CUX2: variants seen among roughly 807,000 people sequenced by gnomAD.
CUX2 encodes homeobox protein cut-like 2.
CUX2 carries 40 observed loss-of-function variants against 144.8 expected under a neutral mutation model. The ratio of observed to expected loss-of-function variants is 0.28; its 90% CI spans 0.21 to 0.36. CUX2 has a LOEUF of 0.36. CUX2 is among the 10% of genes least tolerant of loss of function. The pLI is 1.00. For missense variants in CUX2, 1,615 were observed against 1,994.0 expected (o/e 0.81, Z 3.62); for synonymous variants, 827 against 875.6 (o/e 0.94, Z 0.98).
chr12:111,046,384 C>T (rs1869996755), intron 1 of CUX2, among the ~76,000 whole-genome samples: 1 of 152,212 alleles, frequency 6.6e-6, no homozygotes, highest in African/African-American at 2.4e-5. Flanking sequence ...TTTTTAATTC[C>T]CACAGCAACT....
intron 3 of CUX2, among the ~76,000 whole-genome samples, chr12:111,235,773 G>A (rs116060018): frequency 0.018 from 2,680 of 152,210 alleles, 74 homozygotes; most frequent in African/African-American, 0.061. Context: ...CTGGGACAGC[G>A]ACAGAGGAGC....
chr12:111,275,485 A>G (rs1015001174), intron 4 of CUX2, among the ~76,000 whole-genome samples: 47 of 152,166 alleles, frequency 3.1e-4, no homozygotes, highest in African/African-American at 1.1e-3. Flanking sequence ...GGGCAGCCGC[A>G]TGTGTCGGCT....
chr12:111,287,713 G>A lies in CUX2; in HGVS notation c.302-3705G>A, dbSNP rs1356060314. 3.3e-5 allele frequency among the ~76,000 whole-genome samples: 5 copies of A among 152,204 alleles called. No individual in the cohort carries two copies. Among genetic ancestry groups the A allele is most frequent in the Non-Finnish European group, 7.4e-5 (5 of 68,020 alleles). ...CTGCCGGCAGATGAAAGCCACCGCC[G>A]CCTTCCCGCGCACCTGCTTACCTCG... is the stretch of plus-strand genomic sequence containing the variant. On this transcript the variant is annotated intron_variant, in intron 4 of 21. Transcript: ENST00000261726. The surrounding 1 kb of genome is among the most constrained non-coding windows in gnomAD (Gnocchi z 4.2).
At chr12:111,218,998 TC>T (rs1881702788) in intron 3 of CUX2, among the ~76,000 whole-genome samples, 1 of 152,030 alleles carries the variant, frequency 6.6e-6, no homozygotes, top group African/African-American at 2.4e-5. Context: ...AAGCGTTCCA[TC>T]TTGAGGGGGC....
At chr12:111,216,085 G>A (rs972737536) in intron 2 of CUX2, among the ~76,000 whole-genome samples, 8 of 152,292 alleles carry the variant, frequency 5.3e-5, no homozygotes, top group African/African-American at 1.2e-4. Context: ...GCCTGTGCTC[G>A]GCGTCCCCCA....
intron 1 of CUX2, among the ~76,000 whole-genome samples, chr12:111,070,946 C>A (rs1871233565): frequency 6.6e-6 from 1 of 152,120 alleles, no homozygotes; most frequent in South Asian, 2.1e-4. Context: ...TTTAGCTCAT[C>A]TTTTTTTAGT....
rs1319004487 is a variant in CUX2, at chr12:111,307,237, G to A, written c.1089G>A (p.Glu363=). 1.2e-6 allele frequency: 2 copies of A among 1,614,166 alleles called. No individual in the cohort carries two copies. The highest frequency in any genetic ancestry group is 1.1e-5 in the South Asian group (1 of 91,082). The part of the protein sequence containing the change: ...EEKLQAQSDY[E]EIKTELSILK... ...AGCTCCAGGCCCAGTCTGACTATGA[G>A]GAAATTAAAACGGAGCTGAGGTACC... is the stretch of plus-strand genomic sequence containing the variant. Residue 363 remains glutamate (E), a synonymous_variant, in exon 12 of 22, where the codon GAG becomes GAA. Transcript: ENST00000261726. This position sits in a 1 kb window ranked among gnomAD's most constrained non-coding sequence, Gnocchi z 4.1.
intron 18 of CUX2, among the ~76,000 whole-genome samples, chr12:111,325,625 GGT>G (rs1311411248): frequency 6.9e-6 from 1 of 145,194 alleles, no homozygotes; most frequent in East Asian, 2.1e-4. Context: ...ATAGTGTTGT[GGT>G]GGGGAGGGGT....
At chr12:111,104,580 T>TA (rs1592899247) in intron 1 of CUX2, among the ~76,000 whole-genome samples, 1 of 152,348 alleles carries the variant, frequency 6.6e-6, no homozygotes, top group East Asian at 1.9e-4. Context: ...CAAGTTGCTT[T>TA]ACCTCGCTGT....
intron 1 of CUX2, among the ~76,000 whole-genome samples, chr12:111,132,104 ATCT>A (rs1875524313): frequency 1.3e-5 from 2 of 151,976 alleles, no homozygotes; most frequent in Admixed American, 1.3e-4. Flanking sequence ...ATTTCCATAC[ATCT>A]TCTGAAATCT....
At chr12:111,291,617 A>G in intron 5 of CUX2, 65 bp downstream of exon 5, 1 of 1,469,158 alleles carries the variant, frequency 6.8e-7, no homozygotes, top group East Asian at 2.6e-5. Context: ...TCAGAGCCAA[A>G]CTCAGCCAGC....
At chr12:111,148,916 G>A (rs1305497898) in intron 1 of CUX2, among the ~76,000 whole-genome samples, 3 of 152,106 alleles carry the variant, frequency 2.0e-5, no homozygotes, top group African/African-American at 7.2e-5. Flanking sequence ...AGGATTGCTT[G>A]ACCCCAGGAG....
At chr12:111,321,076 A>T (rs1205251276) in intron 17 of CUX2, among the ~76,000 whole-genome samples, 1 of 152,200 alleles carries the variant, frequency 6.6e-6, no homozygotes, top group Non-Finnish European at 1.5e-5. Flanking sequence ...TCACGCCTGT[A>T]ATCCCAGCAC....
At chr12:111,274,998 C>A (rs191277239) in intron 4 of CUX2, among the ~76,000 whole-genome samples, 1 of 152,046 alleles carries the variant, frequency 6.6e-6, no homozygotes, top group East Asian at 1.9e-4. Flanking sequence ...ATAGCATCAG[C>A]TAGTGGTGAA....
intron 1 of CUX2, among the ~76,000 whole-genome samples, chr12:111,123,638 C>T (rs540503428): frequency 9.9e-5 from 15 of 152,220 alleles, no homozygotes; most frequent in African/African-American, 2.4e-4. Flanking sequence ...CAGGCTCAAG[C>T]GATCCTCCTA....
chr12:111,311,940 C>A (rs1397497983), intron 15 of CUX2, among the ~76,000 whole-genome samples, 160 bp from the exon 16 acceptor site: 1 of 152,114 alleles, frequency 6.6e-6, no homozygotes, highest in African/African-American at 2.4e-5. Context: ...CACTCACAGG[C>A]CCACAGTTTG....
In CUX2 at chr12:111,263,733, G is replaced by T. The variant is rs59303212; in HGVS notation, c.223-28G>T. 1.8e-5 allele frequency: 28 copies of T among 1,579,978 alleles called. No homozygotes were observed. The highest frequency in any genetic ancestry group is 2.4e-5 in the Non-Finnish European group (28 of 1,149,466). ...GCAGACACAGATGCCATGGTTACAC[G>T]TGACTCTTTCTCTTGTTGTCTCCAA... On this transcript the variant is annotated intron_variant, in intron 3 of 21. Transcript: ENST00000261726. The surrounding 1 kb of genome is among the most constrained non-coding windows in gnomAD (Gnocchi z 4.0).
Position 111,113,390 on chromosome 12 carries a change from C to A in CUX2, c.63+79150C>A, listed in dbSNP as rs116770242. The stretch of plus-strand genomic sequence containing the variant: ...TCAGAATATGGAACAGTTCCATCAC[C>A]CCCCGAAATTTCCTTGTTGCTGCTC... On this transcript the variant is annotated intron_variant, in intron 1 of 21. Coordinates refer to ENST00000261726, the MANE Select transcript of CUX2 (RefSeq NM_015267.4). Among the ~76,000 whole-genome samples the A allele has an allele frequency of 3.2e-3, 479 of 151,836 alleles. 2 individuals carry two copies. The highest frequency in any genetic ancestry group is 0.011 in the African/African-American group (463 of 41,372).
chr12:111,175,293 A>G (rs1177979531), intron 1 of CUX2, among the ~76,000 whole-genome samples: 5 of 151,762 alleles, frequency 3.3e-5, no homozygotes, highest in African/African-American at 1.2e-4. Context: ...CATTTATTGA[A>G]TATTAAACAT....
Sources: gnomAD v4.1 joint callset for allele counts (sites outside exome capture counted in the v4.1 genomes callset) on GRCh38, gnomAD v4.1.1 for gene constraint, Gnocchi (gnomAD v3.1) non-coding constraint, MANE v1.5 for transcripts, NCBI Gene and HGNC (gene_info 2026-07-23, HGNC 2026-07-21) for gene names.